CACNA2D3: variants seen among roughly 807,000 people sequenced by gnomAD.
CACNA2D3 encodes voltage-dependent calcium channel subunit alpha-2/delta-3.
A neutral mutation model predicts 160.6 loss-of-function variants in CACNA2D3; 60 were observed. That is an observed-to-expected ratio of 0.37 (90% confidence interval 0.30 to 0.46). CACNA2D3 has a LOEUF of 0.46. Among genes scored for constraint, CACNA2D3 ranks in the 20% least tolerant of loss-of-function variants. The pLI is 1.00. For missense variants in CACNA2D3, 1,205 were observed against 1,365.0 expected (o/e 0.88, Z 1.85); for synonymous variants, 558 against 492.9 (o/e 1.13, Z -1.75).
At chr3:54,328,794 C>G (rs932639458) in intron 3 of CACNA2D3, among the ~76,000 whole-genome samples, 2 of 152,116 alleles carry the variant, frequency 1.3e-5, no homozygotes, top group Non-Finnish European at 2.9e-5. Flanking sequence ...GAGGGGCCCT[C>G]CCCTTCTCCT....
At chr3:54,536,463 C>A (rs896597894) in intron 5 of CACNA2D3, among the ~76,000 whole-genome samples, 1 of 152,204 alleles carries the variant, frequency 6.6e-6, no homozygotes, top group Non-Finnish European at 1.5e-5. Flanking sequence ...ACGATGGGGA[C>A]CCACCCCACA....
At chr3:54,611,288 A>G (rs1698744507) in intron 9 of CACNA2D3, among the ~76,000 whole-genome samples, 1 of 152,128 alleles carries the variant, frequency 6.6e-6, no homozygotes, top group Admixed American at 6.5e-5. Context: ...CATGTTTCTA[A>G]TTGTCAACCC....
rs542892165 is a variant in CACNA2D3 at position 54,732,395 on chromosome 3, G to A, written c.1168-20204G>A. On this transcript the variant is annotated intron_variant, in intron 11 of 37. Coordinates refer to ENST00000474759, the MANE Select transcript of CACNA2D3 (RefSeq NM_018398.3). Reference sequence around the variant, plus strand: ...TTTGGTGGCCCATGACTGACTTTAAGGGCTGTTTGGTTTGAATGCTTGTGT... The same window carrying A: ...TTTGGTGGCCCATGACTGACTTTAAAGGCTGTTTGGTTTGAATGCTTGTGT... 1.3e-3 allele frequency among the ~76,000 whole-genome samples: 191 copies of A among 152,304 alleles called. 1 individual carries two copies. Among genetic ancestry groups the A allele is most frequent in the African/African-American group, 4.3e-3 (180 of 41,562 alleles).
chr3:54,626,765 G>A, intron 9 of CACNA2D3: 1 of 634,716 alleles, frequency 1.6e-6, no homozygotes, highest in African/African-American at 1.8e-5. Flanking sequence ...GCGAGGCCGT[G>A]GTGCCACCAT....
intron 11 of CACNA2D3, among the ~76,000 whole-genome samples, chr3:54,689,041 C>CGT (rs1054830307): frequency 7.5e-6 from 1 of 133,862 alleles, no homozygotes; most frequent in Non-Finnish European, 1.6e-5. Flanking sequence ...AAGCACATGA[C>CGT]GTGGTTCCTG....
intron 13 of CACNA2D3, among the ~76,000 whole-genome samples, chr3:54,792,954 A>C (rs975298074): frequency 2.0e-5 from 3 of 152,184 alleles, no homozygotes; most frequent in Non-Finnish European, 4.4e-5. Flanking sequence ...GCAGGCAAAA[A>C]ACTGCTGTTT....
At chr3:54,469,416 G>C (rs559578705) in intron 4 of CACNA2D3, among the ~76,000 whole-genome samples, 1 of 152,218 alleles carries the variant, frequency 6.6e-6, no homozygotes, top group South Asian at 2.1e-4. Context: ...AACCTCATCC[G>C]AATGTCTGTC....
chr3:54,350,971 TTTTTTTTTTTGTTTG>T (rs1176070024), intron 3 of CACNA2D3, among the ~76,000 whole-genome samples: 13,481 of 69,242 alleles, frequency 0.19, 1,074 homozygotes, highest in Admixed American at 0.27. Flanking sequence ...TGAGTCTGTT[TTTTTTTTTTTGTTTG>T]TTTTTTTTTT....
chr3:54,179,863 T>C (rs1248964431), intron 2 of CACNA2D3, among the ~76,000 whole-genome samples: 2 of 152,086 alleles, frequency 1.3e-5, no homozygotes, highest in Non-Finnish European at 1.5e-5. Flanking sequence ...AACTGAGACG[T>C]GTATGTCTGT....
chr3:54,279,504 A>G (rs574789037), intron 2 of CACNA2D3, among the ~76,000 whole-genome samples: 1 of 152,324 alleles, frequency 6.6e-6, no homozygotes, highest in East Asian at 1.9e-4. Flanking sequence ...GACCTTGGCT[A>G]CACTGAGACT....
In CACNA2D3 at chr3:54,689,010, A is replaced by AAAAAAAAAAAAAAAGAG. The variant is rs1553785965; in HGVS notation, c.1167+46770_1167+46771insAAAAAAAAAAAAAGAGA. On this transcript the variant is annotated intron_variant, in intron 11 of 37. Transcript: ENST00000474759. The stretch of plus-strand genomic sequence containing the variant: ...AAAAAAAAAAAAAAAAAAAAAAAAA[A>AAAAAAAAAAAAAAAGAG]AGAATGAGGTTGTATACATAAAGCA... Among the ~76,000 whole-genome samples the AAAAAAAAAAAAAAAGAG allele has an allele frequency of 1.9e-4, 16 of 85,496 alleles. 5 individuals are homozygous for AAAAAAAAAAAAAAAGAG. Among genetic ancestry groups the AAAAAAAAAAAAAAAGAG allele is most frequent in the Admixed American group, 4.6e-4 (3 of 6,584 alleles). 56.1% of individuals were successfully genotyped at this position (85,496 alleles called of 152,430 possible).
At chr3:55,001,335 A>G (rs967020288) in intron 31 of CACNA2D3, among the ~76,000 whole-genome samples, 1 of 152,250 alleles carries the variant, frequency 6.6e-6, no homozygotes, top group East Asian at 1.9e-4. Context: ...GTCAATTCCC[A>G]TTCCTTTAAA....
chr3:54,666,800 A>G (rs1231148612), intron 11 of CACNA2D3, among the ~76,000 whole-genome samples: 1 of 152,240 alleles, frequency 6.6e-6, no homozygotes, highest in Admixed American at 6.5e-5. Context: ...CTGGGGGATT[A>G]CCTGGTAGTA....
intron 4 of CACNA2D3, among the ~76,000 whole-genome samples, chr3:54,451,305 A>G (rs1700304921): frequency 8.2e-6 from 1 of 122,042 alleles, no homozygotes; most frequent in African/African-American, 3.2e-5. Context: ...GCTGGAGTGC[A>G]GTGGCGCAAT....
At chr3:54,627,909 C>T (rs1392679318) in intron 10 of CACNA2D3, 33 bp downstream of exon 10, 1 of 1,395,104 alleles carries the variant, frequency 7.2e-7, no homozygotes, top group Admixed American at 1.9e-5. Flanking sequence ...TTTCTCATCC[C>T]TTGGAGAATA....
chr3:54,461,746 T>A (rs1350751765), intron 4 of CACNA2D3, among the ~76,000 whole-genome samples: 1 of 151,996 alleles, frequency 6.6e-6, no homozygotes, highest in Admixed American at 6.5e-5. Flanking sequence ...TTGATTAATT[T>A]TTTGAAGGGT....
At chr3:54,652,975 G>C (rs1177871938) in intron 11 of CACNA2D3, among the ~76,000 whole-genome samples, 1 of 151,960 alleles carries the variant, frequency 6.6e-6, no homozygotes, top group Non-Finnish European at 1.5e-5. Context: ...TAGAGATGGG[G>C]TTTCATCATG....
At chr3:54,763,591 A>G (rs1469862085) in intron 12 of CACNA2D3, among the ~76,000 whole-genome samples, 1 of 150,438 alleles carries the variant, frequency 6.6e-6, no homozygotes, top group Non-Finnish European at 1.5e-5. Flanking sequence ...ACCAGGGAAT[A>G]AACACACACA....
chr3:54,155,341 T>G (rs1421992365), intron 2 of CACNA2D3, among the ~76,000 whole-genome samples: 1 of 152,202 alleles, frequency 6.6e-6, no homozygotes, highest in Non-Finnish European at 1.5e-5. Flanking sequence ...GGCTGCAGAC[T>G]GTATTCATTC....
Sources: gnomAD v4.1 joint callset for allele counts (sites outside exome capture counted in the v4.1 genomes callset) on GRCh38, gnomAD v4.1.1 for gene constraint, MANE v1.5 for transcripts, NCBI Gene and HGNC (gene_info 2026-07-23, HGNC 2026-07-21) for gene names.